Variants in LTBP1 observed in about 807,000 individuals in gnomAD.
LTBP1 encodes the protein latent transforming growth factor beta binding protein 1.
LTBP1 carries 129 observed loss-of-function variants against 207.6 expected under a neutral mutation model. The ratio of observed to expected loss-of-function variants is 0.62; its 90% CI spans 0.54 to 0.72. The LOEUF (loss-of-function observed/expected upper bound fraction) is 0.72. LTBP1 is among the 30% of genes least tolerant of loss of function. The pLI is 0.00. For missense variants in LTBP1, 2,281 were observed against 2,217.2 expected (o/e 1.03, Z -0.58); for synonymous variants, 963 against 833.7 (o/e 1.16, Z -2.67).
At chr2:33,189,448 G>A (rs1319994778) in intron 7 of LTBP1, among the ~76,000 whole-genome samples, 1 of 152,132 alleles carries the variant, frequency 6.6e-6, no homozygotes, top group Non-Finnish European at 1.5e-5. Flanking sequence ...TGCCTGCCTC[G>A]TCCTCCCACA....
chr2:33,169,252 A>G lies in LTBP1; in HGVS notation c.1202-17604A>G, dbSNP rs17012639. 1.4e-3 allele frequency among the ~76,000 whole-genome samples: 212 copies of G among 152,244 alleles called. 1 individual carries two copies. The highest frequency in any genetic ancestry group is 4.9e-3 in the African/African-American group (202 of 41,548). On this transcript the variant is annotated intron_variant, in intron 5 of 33. Transcript: ENST00000404816. ...CTAGAAGGTCTCCATGCCCTTCTTT[A>G]GCTTGCATTCTTCCTCTGTTCTTCC...
chr2:33,154,984 A>T (rs1271920144), intron 5 of LTBP1, among the ~76,000 whole-genome samples: 1 of 152,064 alleles, frequency 6.6e-6, no homozygotes, highest in East Asian at 1.9e-4. Flanking sequence ...AATCACTTGA[A>T]CCTGGGAGGT....
chr2:33,092,834 T>G (rs2079177294), intron 3 of LTBP1, among the ~76,000 whole-genome samples: 1 of 152,208 alleles, frequency 6.6e-6, no homozygotes, highest in Non-Finnish European at 1.5e-5. Flanking sequence ...CAAATTCTTC[T>G]GACCACCTCT....
At position 33,110,619 on chromosome 2, in the gene LTBP1, C is replaced by G. The variant is rs1308581175; in HGVS notation, c.901C>G (p.His301Asp). 2 of 1,614,140 alleles carry G rather than the reference C, an allele frequency of 1.2e-6. No homozygotes were observed. Among genetic ancestry groups the G allele is most frequent in the Non-Finnish European group, 1.7e-6 (2 of 1,179,994 alleles). The change falls in exon 4 of 34, where the codon CAT becomes GAT. Residue 301 changes from histidine to aspartate, a missense_variant. Around this residue, in one of 3 missense-constraint regions of LTBP1, gnomAD observed 555 missense variants for 491.0 expected, o/e 1.13. Transcript: ENST00000404816. ...TTCTTCCCAGAGTGTGGTGATTCAC[C>G]ATGGCCAGACCCAGGAATACGTGCT... Reference protein sequence around the residue: ...PLSSQSVVIHHGQTQEYVLKP... With the variant: ...PLSSQSVVIHDGQTQEYVLKP...
At chr2:33,219,059 G>A (rs966981748) in intron 8 of LTBP1, among the ~76,000 whole-genome samples, 14 of 151,934 alleles carry the variant, frequency 9.2e-5, no homozygotes, top group African/African-American at 3.4e-4. Context: ...CTCTCATTTG[G>A]ACTTCTTTGT....
In LTBP1 at chr2:33,104,360, A is replaced by G. The variant is rs1252735292; in HGVS notation, c.864-6222A>G. 4.6e-5 allele frequency among the ~76,000 whole-genome samples: 7 copies of G among 152,102 alleles called. 1 individual carries two copies. In the South Asian group the frequency reaches 1.2e-3, roughly 27 times the overall value. On this transcript the variant is annotated intron_variant, in intron 3 of 33. Coordinates refer to ENST00000404816, the MANE Select transcript of LTBP1 (RefSeq NM_206943.4). Reference sequence around the variant, plus strand: ...TCTTGTTCTTTCTTTTCTGTGTGTCACTAGTATCTCCCCATCACATAATAT... The same window carrying G: ...TCTTGTTCTTTCTTTTCTGTGTGTCGCTAGTATCTCCCCATCACATAATAT...
At chr2:33,190,633 G>C (rs552854182) in intron 7 of LTBP1, among the ~76,000 whole-genome samples, 2 of 152,290 alleles carry the variant, frequency 1.3e-5, no homozygotes, top group East Asian at 1.9e-4. Context: ...ATGAGACTTT[G>C]TTAAGATTAA....
chr2:33,250,381 C>G (rs1363959200), intron 10 of LTBP1, among the ~76,000 whole-genome samples: 1 of 152,112 alleles, frequency 6.6e-6, no homozygotes, highest in Non-Finnish European at 1.5e-5. Context: ...ACCCCCTCCA[C>G]AAAGAAGAAC....
intron 20 of LTBP1, among the ~76,000 whole-genome samples, chr2:33,299,141 C>G (rs1342524276): frequency 6.6e-6 from 1 of 151,508 alleles, no homozygotes; most frequent in Non-Finnish European, 1.5e-5. Context: ...GGGCGGGAGG[C>G]TGAGGCAGGA....
At chr2:33,238,934 A>T (rs1157755240) in intron 9 of LTBP1, among the ~76,000 whole-genome samples, 1 of 152,160 alleles carries the variant, frequency 6.6e-6, no homozygotes, top group East Asian at 1.9e-4. Context: ...TGGGTTGTTC[A>T]TAGGGAGTCT....
chr2:33,274,064 C>G (rs1031962625), intron 16 of LTBP1, among the ~76,000 whole-genome samples: 8 of 152,046 alleles, frequency 5.3e-5, no homozygotes, highest in Non-Finnish European at 2.9e-5. Context: ...ATATGAATTA[C>G]AGAAACAGCT....
At chr2:33,193,705 T>C (rs920452941) in intron 7 of LTBP1, among the ~76,000 whole-genome samples, 2 of 152,234 alleles carry the variant, frequency 1.3e-5, no homozygotes, top group African/African-American at 4.8e-5. Flanking sequence ...TTCATTGTTG[T>C]ATCTGTTATG....
intron 9 of LTBP1, among the ~76,000 whole-genome samples, chr2:33,236,142 G>A (rs1013006506): frequency 3.3e-5 from 5 of 152,212 alleles, no homozygotes; most frequent in South Asian, 2.1e-4. Flanking sequence ...CTAAGACTGC[G>A]GTCAACCAGA....
chr2:33,387,417 C>T (rs2095275926), intron 31 of LTBP1, among the ~76,000 whole-genome samples: 1 of 152,218 alleles, frequency 6.6e-6, no homozygotes, highest in Admixed American at 6.5e-5. Context: ...CCAGGTTCGG[C>T]TATTTCCTTA....
At chr2:33,178,515 A>G (rs1379590122) in intron 5 of LTBP1, among the ~76,000 whole-genome samples, 2 of 151,766 alleles carry the variant, frequency 1.3e-5, no homozygotes, top group Non-Finnish European at 2.9e-5. Context: ...AATGCCCACC[A>G]GCATTAAAAA....
At chr2:33,224,977 T>C (rs928439901) in intron 9 of LTBP1, among the ~76,000 whole-genome samples, 18 of 152,222 alleles carry the variant, frequency 1.2e-4, no homozygotes, top group African/African-American at 4.3e-4. Context: ...AGATGCATAC[T>C]TAGGTCATTG....
intron 3 of LTBP1, among the ~76,000 whole-genome samples, chr2:33,058,820 A>G (rs757091804): frequency 2.0e-5 from 3 of 152,206 alleles, no homozygotes; most frequent in Non-Finnish European, 4.4e-5. Context: ...GTACCTTACT[A>G]TAAATGTCGC....
chr2:33,279,042 A>G (rs2093503632), intron 18 of LTBP1, among the ~76,000 whole-genome samples: 1 of 152,204 alleles, frequency 6.6e-6, no homozygotes, highest in Admixed American at 6.5e-5. Context: ...CCCATTATAT[A>G]TTTCTTTCTT....
chr2:32,967,109 T>C (rs1228295686), intron 2 of LTBP1, among the ~76,000 whole-genome samples: 1 of 152,162 alleles, frequency 6.6e-6, no homozygotes, highest in Admixed American at 6.5e-5. Flanking sequence ...TTTGTGGGCA[T>C]AGAATTCATA....
Sources: gnomAD v4.1 joint callset for allele counts (sites outside exome capture counted in the v4.1 genomes callset) on GRCh38, gnomAD v4.1.1 for gene constraint, gnomAD v4.1.1 regional missense constraint, MANE v1.5 for transcripts, NCBI Gene and HGNC (gene_info 2026-07-23, HGNC 2026-07-21) for gene names.